The following RGS7 variants were observed in gnomAD, a reference collection of about 807,000 sequenced individuals.
The protein encoded by RGS7 is regulator of G protein signaling 7.
In RGS7, 27 loss-of-function variants were observed where a neutral mutation model predicts 81.1. The observed-to-expected ratio is 0.33, with a 90% CI of 0.25 to 0.46. RGS7 has a LOEUF of 0.46. Among genes scored for constraint, RGS7 ranks in the 20% least tolerant of loss-of-function variants. RGS7 has a pLI of 1.00. For missense variants in RGS7, 396 were observed against 607.4 expected, an observed-to-expected ratio of 0.65 and a Z score of 3.66; for synonymous variants, 208 against 207.7, an observed-to-expected ratio of 1.00 and a Z score of -0.01.
At chr1:240,920,403 A>T in intron 6 of RGS7, 2 of 1,450,168 alleles carry the variant, frequency 1.4e-6, no homozygotes, top group Non-Finnish European at 9.6e-7. Flanking sequence ...TAATGATGCC[A>T]GCAATTTTGG....
chr1:240,978,554 T>A (rs1684477023), intron 4 of RGS7, among the ~76,000 whole-genome samples: 2 of 152,178 alleles, frequency 1.3e-5, no homozygotes, highest in African/African-American at 4.8e-5. Context: ...TTAGAATTAA[T>A]GTTATGATGT....
chr1:240,913,555 G>A lies in RGS7; in HGVS notation c.385+17162C>T, dbSNP rs147028002. Among the ~76,000 whole-genome samples the A allele has an allele frequency of 8.5e-3, 1,295 of 152,242 alleles. 9 individuals are homozygous for A. The highest frequency in any genetic ancestry group is 0.013 in the Non-Finnish European group (903 of 68,020). ...ACACAATGAGTTGGTTCTCACTGTC[G>A]TATTAGGTAAATGGGTTTTGTTGTT... On this transcript the variant is annotated intron_variant, in intron 6 of 18. Coordinates refer to ENST00000440928, the MANE Select transcript of RGS7 (RefSeq NM_001364886.1).
chr1:241,072,012 T>C (rs1474126539), intron 3 of RGS7, among the ~76,000 whole-genome samples: 2 of 152,146 alleles, frequency 1.3e-5, no homozygotes, highest in Non-Finnish European at 2.9e-5. Flanking sequence ...GTTGGAATTA[T>C]TAGTTTTTCA....
Position 240,977,491 on chromosome 1 carries a change from T to C in RGS7, c.226+5588A>G, listed in dbSNP as rs571410526. Among the ~76,000 whole-genome samples, 91 of 152,366 alleles carry C rather than the reference T, an allele frequency of 6.0e-4. 1 individual carries two copies. The South Asian group carries it at 0.018, about 29-fold the overall frequency. On this transcript the variant is annotated intron_variant, in intron 4 of 18. Transcript: ENST00000440928. ...TGATTGAAAGGTACAAATCAAAATATAAACTTTTGACATGATGGCAACATG... is the reference window on the plus strand; with the variant it reads ...TGATTGAAAGGTACAAATCAAAATACAAACTTTTGACATGATGGCAACATG...
At chr1:240,834,951 C>G (rs1388893221) in intron 9 of RGS7, among the ~76,000 whole-genome samples, 1 of 149,066 alleles carries the variant, frequency 6.7e-6, no homozygotes, top group Non-Finnish European at 1.5e-5. Context: ...CACACACACA[C>G]ACACAAACTC....
chr1:241,045,406 C>T (rs1264314456), intron 3 of RGS7, among the ~76,000 whole-genome samples: 2 of 152,126 alleles, frequency 1.3e-5, no homozygotes, highest in Non-Finnish European at 2.9e-5. Context: ...CTGTGTCGCC[C>T]AGGCTGGAGT....
intron 3 of RGS7, among the ~76,000 whole-genome samples, chr1:241,013,317 C>T (rs1275561550): frequency 6.6e-6 from 1 of 152,118 alleles, no homozygotes; most frequent in African/African-American, 2.4e-5. Context: ...CCCACCTTAG[C>T]CTCCCAAAGT....
chr1:240,808,294 G>T (rs1689239419), intron 14 of RGS7, among the ~76,000 whole-genome samples: 1 of 152,036 alleles, frequency 6.6e-6, no homozygotes, highest in African/African-American at 2.4e-5. Flanking sequence ...CCCTCTGCTG[G>T]GGCAAGTGCT....
At chr1:240,823,260 G>A (rs193137920) in intron 10 of RGS7, 1 of 662,680 alleles carries the variant, frequency 1.5e-6, no homozygotes. Context: ...CCACCTAAAG[G>A]CCATCTCCAC....
intron 2 of RGS7, among the ~76,000 whole-genome samples, chr1:241,287,493 T>C (rs2078877982): frequency 6.6e-6 from 1 of 152,248 alleles, no homozygotes. Flanking sequence ...GCCATGATTA[T>C]GAGGCTTCCC....
intron 18 of RGS7, among the ~76,000 whole-genome samples, chr1:240,800,004 C>T (rs533429027): frequency 2.6e-5 from 4 of 152,280 alleles, no homozygotes; most frequent in Non-Finnish European, 4.4e-5. Context: ...GGTTACATCA[C>T]TATTTTAAAT....
chr1:240,908,378 T>C (rs1671195076), intron 6 of RGS7, among the ~76,000 whole-genome samples: 1 of 151,740 alleles, frequency 6.6e-6, no homozygotes, highest in African/African-American at 2.4e-5. Flanking sequence ...AAAAGAAAAA[T>C]TTTCAATGAA....
At position 240,819,615 on chromosome 1, in the gene RGS7, G is replaced by A. The variant is rs193089307; in HGVS notation, c.685-3200C>T. Among the ~76,000 whole-genome samples the A allele has an allele frequency of 3.2e-4, 49 of 152,300 alleles. 2 individuals are homozygous for A. The East Asian group carries it at 9.3e-3, about 29-fold the overall frequency. Reference sequence around the variant, plus strand: ...TAGCCAGGCATGGCGGCATGTGCCTGTGGTCCCAGCTACTTGGGAGGCTGA... The same window carrying A: ...TAGCCAGGCATGGCGGCATGTGCCTATGGTCCCAGCTACTTGGGAGGCTGA... On this transcript the variant is annotated intron_variant, in intron 10 of 18. Coordinates refer to ENST00000440928, the MANE Select transcript of RGS7 (RefSeq NM_001364886.1).
rs576467087 is a variant in RGS7 at position 240,868,982 on chromosome 1, C to G, written c.451-130G>C. ...AAAGCCCTAAGTGTACTGTGGTTCT[C>G]AATGATAAGTCATGCTCCCTGAATT... On this transcript the variant is annotated intron_variant, in intron 7 of 18. Transcript: ENST00000440928. The surrounding 1 kb of genome is among the most constrained non-coding windows in gnomAD (Gnocchi z 5.1). The G allele has an allele frequency of 1.8e-4, 148 of 819,716 alleles. No individual in the cohort carries two copies. The African/African-American group carries it at 2.3e-3, about 13-fold the overall frequency. 50.8% of individuals were successfully genotyped at this position (819,716 alleles called of 1,614,324 possible).
chr1:241,166,463 A>C (rs2070254268), intron 2 of RGS7, among the ~76,000 whole-genome samples: 1 of 152,230 alleles, frequency 6.6e-6, no homozygotes, highest in Admixed American at 6.5e-5. Context: ...GCTGGGGCTG[A>C]GAATGGGGAA....
At chr1:241,321,037 CACTG>C (rs1393109840) in intron 2 of RGS7, among the ~76,000 whole-genome samples, 1 of 152,280 alleles carries the variant, frequency 6.6e-6, no homozygotes, top group East Asian at 1.9e-4. Context: ...TTGGAAGACA[CACTG>C]ACTATCACTC....
chr1:241,248,607 T>A (rs1444243401), intron 2 of RGS7, among the ~76,000 whole-genome samples: 1 of 151,718 alleles, frequency 6.6e-6, no homozygotes, highest in South Asian at 2.1e-4. Flanking sequence ...TGAAGCAGTA[T>A]TTTTTTTAAA....
rs1345706149 is a variant in RGS7, at chr1:241,156,169, G to GATAC, written c.79-57411_79-57408dup. ...AGATAGATAGATAGATAGATAGATA[G>GATAC]ATACATATACATAGACAGACAGACA... is the stretch of plus-strand genomic sequence containing the variant. On this transcript the variant is annotated intron_variant, in intron 2 of 18. Coordinates refer to ENST00000440928, the MANE Select transcript of RGS7 (RefSeq NM_001364886.1). Among the ~76,000 whole-genome samples the GATAC allele has an allele frequency of 3.2e-3, 451 of 142,854 alleles. 3 individuals carry two copies. The highest frequency in any genetic ancestry group is 0.011 in the African/African-American group (429 of 39,972). The allele number at this position is 142,854 out of a possible 152,430, so 93.7% of individuals were successfully genotyped here. A position where few individuals can be genotyped will look rare whatever the true frequency, so the allele number is the denominator to read the frequency against.
chr1:241,029,478 T>G (rs643713), intron 3 of RGS7, among the ~76,000 whole-genome samples: 1 of 152,212 alleles, frequency 6.6e-6, no homozygotes, highest in South Asian at 2.1e-4. Flanking sequence ...TTTCCACACA[T>G]CTGCTAAAGA....
Sources: gnomAD v4.1 joint callset for allele counts (sites outside exome capture counted in the v4.1 genomes callset) on GRCh38, gnomAD v4.1.1 for gene constraint, Gnocchi (gnomAD v3.1) non-coding constraint, MANE v1.5 for transcripts, NCBI Gene and HGNC (gene_info 2026-07-23, HGNC 2026-07-21) for gene names.